DOCK3: variants seen among roughly 807,000 people sequenced by gnomAD.
The protein encoded by DOCK3 is dedicator of cytokinesis 3, also known as dedicator of cytokinesis protein 3.
DOCK3 carries 60 observed loss-of-function variants against 265.6 expected under a neutral mutation model. The ratio of observed to expected loss-of-function variants is 0.23; its 90% CI spans 0.18 to 0.28. The LOEUF (loss-of-function observed/expected upper bound fraction) is 0.28, where lower values mean the gene tolerates loss of function less well. Among genes scored for constraint, DOCK3 ranks in the 10% least tolerant of loss-of-function variants. The pLI is 1.00. For missense variants in DOCK3, 1,981 were observed against 2,594.3 expected (o/e 0.76, Z 5.14); for synonymous variants, 881 against 938.0 (o/e 0.94, Z 1.11).
At chr3:51,122,544 C>T (rs867250339) in intron 9 of DOCK3, among the ~76,000 whole-genome samples, 4 of 152,116 alleles carry the variant, frequency 2.6e-5, no homozygotes, top group South Asian at 2.1e-4. Flanking sequence ...TTAAATAGTT[C>T]GTCTTGGATT....
In DOCK3 at chr3:51,243,428, G is replaced by GT. The variant is rs376197889; in HGVS notation, c.2103-3287dup. On this transcript the variant is annotated intron_variant, in intron 21 of 52. Coordinates refer to ENST00000266037, the MANE Select transcript of DOCK3 (RefSeq NM_004947.5). ...CATCGAGGGCCAGGCTATTTTCTGGGTTTTTTTTTTTATAGTGGCCACCCT... is the reference window on the plus strand; with the variant it reads ...CATCGAGGGCCAGGCTATTTTCTGGGTTTTTTTTTTTTATAGTGGCCACCCT... 5.6e-3 allele frequency among the ~76,000 whole-genome samples: 812 copies of GT among 145,278 alleles called. 2 individuals carry two copies. The highest frequency in any genetic ancestry group is 0.014 in the Middle Eastern group (4 of 278).
rs9836086 is a variant in DOCK3, at chr3:50,903,754, T to C, written c.218+13673T>C. Among the ~76,000 whole-genome samples, 424 of 152,210 alleles carry C rather than the reference T, an allele frequency of 2.8e-3. 3 individuals are homozygous for C. The highest frequency in any genetic ancestry group is 9.8e-3 in the African/African-American group (406 of 41,560). On this transcript the variant is annotated intron_variant, in intron 4 of 52. Transcript: ENST00000266037. ...TAGTAGAAATGGTACCAGCTCTTTT[T>C]TTTTATTTAAATGTGTATTTTTTTT... is the stretch of plus-strand genomic sequence containing the variant.
intron 1 of DOCK3, among the ~76,000 whole-genome samples, chr3:50,688,459 A>G (rs113355610): frequency 6.6e-6 from 1 of 152,054 alleles, no homozygotes; most frequent in African/African-American, 2.4e-5. Context: ...TGGTATTTTC[A>G]TTAATTAATT....
chr3:50,781,618 T>A (rs894656654), intron 2 of DOCK3, among the ~76,000 whole-genome samples: 1 of 152,094 alleles, frequency 6.6e-6, no homozygotes, highest in East Asian at 1.9e-4. Context: ...TTGAAATATT[T>A]ATTTATTTAT....
intron 23 of DOCK3, among the ~76,000 whole-genome samples, chr3:51,262,493 A>G (rs1191349482): frequency 2.6e-5 from 4 of 152,192 alleles, no homozygotes; most frequent in African/African-American, 9.7e-5. Context: ...AATTCCAAAA[A>G]ACCAGAACGC....
intron 8 of DOCK3, 56 bp downstream of exon 8, chr3:51,089,340 A>G (rs939396709): frequency 3.9e-5 from 61 of 1,557,610 alleles, no homozygotes; most frequent in Non-Finnish European, 5.1e-5. Flanking sequence ...CTGTTAAGAG[A>G]TTACAACATA....
intron 27 of DOCK3, among the ~76,000 whole-genome samples, chr3:51,283,905 C>CTG (rs2081276109): frequency 6.6e-6 from 1 of 152,184 alleles, no homozygotes; most frequent in African/African-American, 2.4e-5. Context: ...AGAGAAGGGG[C>CTG]TTGAAAACAC....
intron 2 of DOCK3, among the ~76,000 whole-genome samples, chr3:50,839,719 CTCCCCTCCCCTCCCCTCCCCTCCCCTCCT>C: frequency 4.3e-5 from 1 of 23,338 alleles, no homozygotes; most frequent in Non-Finnish European, 7.8e-5. Context: ...CTCCCCTCCT[CTCCCCTCCCCTCCCCTCCCCTCCCCTCCT>C]CTCCCCTCCC....
intron 23 of DOCK3, among the ~76,000 whole-genome samples, chr3:51,266,427 T>A (rs984958658): frequency 3.4e-4 from 52 of 152,310 alleles, no homozygotes; most frequent in Admixed American, 3.4e-3. Context: ...GACTTCAAAC[T>A]ATACTACAAG....
At chr3:51,090,148 T>G in intron 8 of DOCK3, 82 bp from the exon 9 acceptor site, 1 of 1,376,566 alleles carries the variant, frequency 7.3e-7, no homozygotes, top group South Asian at 1.5e-5. Context: ...GAAAAGAGTT[T>G]GTAATTTAGT....
rs569709750 is a variant in DOCK3 at position 51,190,518 on chromosome 3, G to A, written c.1038-18256G>A. ...GGACCTCCTGGTTAGCCGGGGTGGT[G>A]CAGGCAATGGTAATACCTGAGGTAA... is the stretch of plus-strand genomic sequence containing the variant. On this transcript the variant is annotated intron_variant, in intron 12 of 52. Coordinates refer to ENST00000266037, the MANE Select transcript of DOCK3 (RefSeq NM_004947.5). Among the ~76,000 whole-genome samples the A allele has an allele frequency of 2.6e-5, 4 of 152,330 alleles. No homozygotes were observed. The East Asian group carries it at 7.7e-4, about 29-fold the overall frequency.
chr3:51,153,619 TC>T (rs755761570), intron 10 of DOCK3, among the ~76,000 whole-genome samples: 1 of 152,200 alleles, frequency 6.6e-6, no homozygotes, highest in Non-Finnish European at 1.5e-5. Flanking sequence ...CCGGAGCTGT[TC>T]CTATTCGGCT....
chr3:51,355,991 G>A, intron 41 of DOCK3, 98 bp from the exon 42 acceptor site: 1 of 1,490,088 alleles, frequency 6.7e-7, no homozygotes, highest in South Asian at 1.2e-5. Context: ...TAAGGAGCAG[G>A]GACTATGGTG....
In DOCK3 at chr3:51,090,145, G is replaced by A. The variant is rs150156735; in HGVS notation, c.592-85G>A. 3,518 of 1,362,922 alleles carry A rather than the reference G, an allele frequency of 2.6e-3. 74 individuals are homozygous for A. In the African/African-American group the frequency reaches 0.032, roughly 12 times the overall value. 84.4% of individuals were successfully genotyped at this position (1,362,922 alleles called of 1,614,324 possible). A position where few individuals can be genotyped will look rare whatever the true frequency, so the allele number is the denominator to read the frequency against. ...AATCTCCTTCAGTAGTGTGAAAAGA[G>A]TTTGTAATTTAGTTTCCACTTTTTA... On this transcript the variant is annotated intron_variant, in intron 8 of 52. Transcript: ENST00000266037.
intron 12 of DOCK3, among the ~76,000 whole-genome samples, chr3:51,168,717 G>A (rs182983769): frequency 3.7e-4 from 56 of 152,256 alleles, no homozygotes; most frequent in Non-Finnish European, 5.7e-4. Context: ...AAAAGCCATC[G>A]CAACAAATGC....
At chr3:51,231,805 G>C (rs2108426600) in intron 19 of DOCK3, among the ~76,000 whole-genome samples, 1 of 152,240 alleles carries the variant, frequency 6.6e-6, no homozygotes, top group South Asian at 2.1e-4. Flanking sequence ...AATTGCTTTT[G>C]AGGACTTAGT....
chr3:50,872,239 C>A (rs1355249653), intron 3 of DOCK3, among the ~76,000 whole-genome samples: 2 of 152,222 alleles, frequency 1.3e-5, no homozygotes, highest in African/African-American at 4.8e-5. Context: ...TAAGCTGTGT[C>A]TGCTTTAGGG....
chr3:50,698,533 T>TTTTTTTTTTTTTTTTTTTTTTTTTTTTC lies in DOCK3; in HGVS notation c.37+23242_37+23243insTTTTTTTTTTTTTTTTTTCTTTTTTTTT, dbSNP rs2035816407. The stretch of plus-strand genomic sequence containing the variant: ...ATGTTTTTGGTTTTTTTTTTTTTTT[T>TTTTTTTTTTTTTTTTTTTTTTTTTTTTC]TTTTTTTTTGCTATATACCCAGGTG... On this transcript the variant is annotated intron_variant, in intron 1 of 52. Transcript: ENST00000266037. Among the ~76,000 whole-genome samples, 2 of 126,778 alleles carry TTTTTTTTTTTTTTTTTTTTTTTTTTTTC rather than the reference T, an allele frequency of 1.6e-5. 1 individual carries two copies. The highest frequency in any genetic ancestry group is 3.4e-5 in the Non-Finnish European group (2 of 58,760). The allele number at this position is 126,778 out of a possible 152,430, so 83.2% of individuals were successfully genotyped here. A position where few individuals can be genotyped will look rare whatever the true frequency, so the allele number is the denominator to read the frequency against.
chr3:50,721,035 A>G (rs2037448281), intron 1 of DOCK3, among the ~76,000 whole-genome samples: 1 of 150,012 alleles, frequency 6.7e-6, no homozygotes. Flanking sequence ...TTGCCTTTTA[A>G]TGTGTTTTTT....
Sources: allele counts gnomAD v4.1 joint callset (sites outside exome capture counted in the v4.1 genomes callset), GRCh38; gene constraint gnomAD v4.1.1; transcripts MANE v1.5; gene names NCBI Gene and HGNC (gene_info 2026-07-23, HGNC 2026-07-21).